The following ZHX3 variants were observed in gnomAD, a reference collection of about 807,000 sequenced individuals.
The protein encoded by ZHX3 is zinc fingers and homeoboxes 3.
In ZHX3, 20 loss-of-function variants were observed where a neutral mutation model predicts 64.5. The observed-to-expected ratio is 0.31, with a 90% CI of 0.22 to 0.45. The LOEUF (loss-of-function observed/expected upper bound fraction) is 0.45. ZHX3 is among the 20% of genes least tolerant of loss of function. The pLI, the probability that ZHX3 is intolerant of heterozygous loss-of-function variation, is 1.00. For missense variants in ZHX3, 1,041 were observed against 1,195.8 expected (o/e 0.87, Z 1.91); for synonymous variants, 423 against 461.6 (o/e 0.92, Z 1.07).
At chr20:41,230,636 T>A (rs1270555587) in intron 2 of ZHX3, among the ~76,000 whole-genome samples, 2 of 152,234 alleles carry the variant, frequency 1.3e-5, no homozygotes, top group Non-Finnish European at 2.9e-5. Context: ...AATTACATGT[T>A]AAAATATTAG....
intron 1 of ZHX3, among the ~76,000 whole-genome samples, chr20:41,280,882 C>CTT (rs371666599): frequency 1.6e-4 from 23 of 145,702 alleles, no homozygotes; most frequent in African/African-American, 5.3e-4. Flanking sequence ...ATGTCTAACC[C>CTT]TTTTTTTTTT....
rs142847303 is a variant in ZHX3 at position 41,255,044 on chromosome 20, G to A, written c.-151+13946C>T. 2.7e-3 allele frequency among the ~76,000 whole-genome samples: 418 copies of A among 152,248 alleles called. 2 individuals carry two copies. The highest frequency in any genetic ancestry group is 4.6e-3 in the Non-Finnish European group (316 of 67,996). On this transcript the variant is annotated intron_variant, in intron 2 of 3. Coordinates refer to ENST00000683867, the MANE Select transcript of ZHX3 (RefSeq NM_001384317.1). ...AAGTCAGAAAAGGGGAAGAAAAAGC[G>A]TGTTAAAGGACATGGTATAGCCACC...
intron 1 of ZHX3, among the ~76,000 whole-genome samples, chr20:41,304,308 C>T (rs2044910409): frequency 6.6e-6 from 1 of 152,144 alleles, no homozygotes; most frequent in African/African-American, 2.4e-5. Flanking sequence ...GAGACTTCCA[C>T]AGTGTGTAGC....
At chr20:41,296,542 C>T (rs1311693740) in intron 1 of ZHX3, among the ~76,000 whole-genome samples, 1 of 152,182 alleles carries the variant, frequency 6.6e-6, no homozygotes, top group Non-Finnish European at 1.5e-5. Flanking sequence ...AAATGCTCAT[C>T]TCATCCTTTT....
At chr20:41,240,084 C>T (rs888425094) in intron 2 of ZHX3, among the ~76,000 whole-genome samples, 21 of 152,062 alleles carry the variant, frequency 1.4e-4, no homozygotes, top group Non-Finnish European at 2.6e-4. Context: ...GCAACCTCTG[C>T]CTCCCAGGTT....
Position 41,196,277 on chromosome 20 carries a change from TAATATATATAAATA to T in ZHX3, c.2860+5766_2860+5779del, listed in dbSNP as rs993937221. ...GCTCTGTTAGGGGTATATATATATA[TAATATATATAAATA>T]AATATATAAAAATAAATATATATTT... On this transcript the variant is annotated intron_variant, in intron 3 of 3. Transcript: ENST00000683867. 2.2e-4 allele frequency among the ~76,000 whole-genome samples: 27 copies of T among 125,202 alleles called. No individual in the cohort carries two copies. In the East Asian group the frequency reaches 5.5e-3, roughly 26 times the overall value. 82.1% of individuals were successfully genotyped at this position (125,202 alleles called of 152,430 possible).
At chr20:41,277,517 G>C (rs1395649786) in intron 1 of ZHX3, among the ~76,000 whole-genome samples, 1 of 151,974 alleles carries the variant, frequency 6.6e-6, no homozygotes, top group Non-Finnish European at 1.5e-5. Context: ...TTTATATTGA[G>C]TTCAATTAAT....
At chr20:41,255,057 T>C (rs564509659) in intron 2 of ZHX3, among the ~76,000 whole-genome samples, 25 of 152,156 alleles carry the variant, frequency 1.6e-4, no homozygotes, top group Admixed American at 9.2e-4. Context: ...TTAAAGGACA[T>C]GGTATAGCCA....
Position 41,185,524 on chromosome 20 carries a change from C to A in ZHX3, c.2861-323G>T, listed in dbSNP as rs545616565. 11 of 500,364 alleles carry A rather than the reference C, an allele frequency of 2.2e-5. 1 individual carries two copies. The highest frequency in any genetic ancestry group is 1.9e-4 in the African/African-American group (10 of 52,346). 31.0% of individuals were successfully genotyped at this position (500,364 alleles called of 1,614,324 possible). On this transcript the variant is annotated intron_variant, in intron 3 of 3. Coordinates refer to ENST00000683867, the MANE Select transcript of ZHX3 (RefSeq NM_001384317.1). This position sits in a 1 kb window ranked among gnomAD's most constrained non-coding sequence, Gnocchi z 5.0. Reference sequence around the variant, plus strand: ...TAGCTCCCCAGGCTTCCGCCACCACCGTCTCTGGAGTCCTGTCCTAAAATG... The same window carrying A: ...TAGCTCCCCAGGCTTCCGCCACCACAGTCTCTGGAGTCCTGTCCTAAAATG...
intron 1 of ZHX3, among the ~76,000 whole-genome samples, chr20:41,286,540 T>C (rs2043944196): frequency 6.6e-6 from 1 of 151,560 alleles, no homozygotes. Context: ...CTTGGAATGT[T>C]GCTACTCTTT....
intron 1 of ZHX3, among the ~76,000 whole-genome samples, chr20:41,304,748 C>T (rs1382661989): frequency 2.0e-5 from 3 of 152,212 alleles, no homozygotes; most frequent in Non-Finnish European, 4.4e-5. Context: ...CTCCCCTACT[C>T]GAACAAGTAC....
intron 1 of ZHX3, among the ~76,000 whole-genome samples, chr20:41,277,392 T>C (rs2043435643): frequency 6.6e-6 from 1 of 152,226 alleles, no homozygotes; most frequent in Non-Finnish European, 1.5e-5. Context: ...CAGTTTTCCA[T>C]CATGTTGCAT....
intron 3 of ZHX3, among the ~76,000 whole-genome samples, chr20:41,197,712 AAT>A (rs1200855643): frequency 6.6e-6 from 1 of 151,930 alleles, no homozygotes; most frequent in Non-Finnish European, 1.5e-5. Flanking sequence ...ATTTGTTTTT[AAT>A]ATGTCTTATA....
intron 2 of ZHX3, among the ~76,000 whole-genome samples, chr20:41,234,457 A>G (rs983576457): frequency 2.0e-5 from 3 of 152,000 alleles, no homozygotes; most frequent in Non-Finnish European, 4.4e-5. Flanking sequence ...ATGTTTTCCT[A>G]TCTCTCCATT....
At chr20:41,213,354 A>C (rs770659201) in intron 2 of ZHX3, among the ~76,000 whole-genome samples, 41 of 152,204 alleles carry the variant, frequency 2.7e-4, no homozygotes, top group Non-Finnish European at 5.1e-4. Flanking sequence ...AAATTATAGC[A>C]CTCAGTTCTA....
At chr20:41,317,018 G>C (rs1334920666) in intron 1 of ZHX3, 1 of 152,622 alleles carries the variant, frequency 6.6e-6, no homozygotes, top group East Asian at 1.9e-4. Context: ...TACACCGGGG[G>C]CATGGGCTGC....
In ZHX3 at chr20:41,315,413, T is replaced by G. The variant is rs6016544; in HGVS notation, c.-245+2096A>C. Among the ~76,000 whole-genome samples the G allele has an allele frequency of 7.5e-3, 1,069 of 141,844 alleles. 11 individuals carry two copies. The highest frequency in any genetic ancestry group is 0.027 in the African/African-American group (1,013 of 38,058). 93.1% of individuals were successfully genotyped at this position (141,844 alleles called of 152,430 possible). On this transcript the variant is annotated intron_variant, in intron 1 of 3. Coordinates refer to ENST00000683867, the MANE Select transcript of ZHX3 (RefSeq NM_001384317.1). ...TGTCACCATGCTGGCCGGGCTGGTC[T>G]CGAACTCCTGACCTCGTGATCCGCC...
chr20:41,283,544 G>A (rs2043793806), intron 1 of ZHX3, among the ~76,000 whole-genome samples: 1 of 152,094 alleles, frequency 6.6e-6, no homozygotes, highest in Admixed American at 6.6e-5. Context: ...AGATCACGAG[G>A]TCAGGAGATC....
chr20:41,223,829 C>T (rs2040101342), intron 2 of ZHX3, among the ~76,000 whole-genome samples: 2 of 152,172 alleles, frequency 1.3e-5, no homozygotes, highest in African/African-American at 4.8e-5. Flanking sequence ...AAGTGAGAAG[C>T]TAATGGCGTC....
Sources: allele counts gnomAD v4.1 joint callset (sites outside exome capture counted in the v4.1 genomes callset), GRCh38; gene constraint gnomAD v4.1.1; non-coding constraint Gnocchi (gnomAD v3.1); transcripts MANE v1.5; gene names NCBI Gene and HGNC (gene_info 2026-07-23, HGNC 2026-07-21).